KIRREL3: variants seen among roughly 807,000 people sequenced by gnomAD.
KIRREL3 encodes the protein kin of IRRE-like protein 3.
KIRREL3 carries 36 observed loss-of-function variants against 89.7 expected under a neutral mutation model. The observed-to-expected ratio is 0.40, with a 90% CI of 0.31 to 0.53. KIRREL3 has a LOEUF of 0.53. KIRREL3 is among the 20% of genes least tolerant of loss of function. The probability of loss-of-function intolerance (pLI) is 0.49; values close to 1 mark genes in which losing one functional copy is unlikely to be tolerated. For missense variants in KIRREL3, 864 were observed against 1,056.6 expected, an observed-to-expected ratio of 0.82 and a Z score of 2.53; for synonymous variants, 445 against 441.4, an observed-to-expected ratio of 1.01 and a Z score of -0.10.
chr11:126,613,792 C>T (rs990198352), intron 1 of KIRREL3, among the ~76,000 whole-genome samples: 5 of 149,690 alleles, frequency 3.3e-5, no homozygotes, highest in Admixed American at 6.7e-5. Flanking sequence ...ACATTGGGAA[C>T]GAAAACCCTT....
At chr11:126,435,144 G>A (rs986089314) in intron 13 of KIRREL3, 124 bp downstream of exon 13, 21 of 1,005,042 alleles carry the variant, frequency 2.1e-5, no homozygotes, top group East Asian at 4.9e-5. Flanking sequence ...CCCTCAGGAC[G>A]GGGGAGGGCG....
intron 1 of KIRREL3, among the ~76,000 whole-genome samples, chr11:126,654,058 G>A (rs564323442): frequency 6.6e-6 from 1 of 152,084 alleles, no homozygotes; most frequent in African/African-American, 2.4e-5. Flanking sequence ...TCCCTATCAC[G>A]GGCTCCCAGT....
At chr11:126,510,465 CT>C (rs1958184546) in intron 4 of KIRREL3, among the ~76,000 whole-genome samples, 1 of 144,558 alleles carries the variant, frequency 6.9e-6, no homozygotes, top group Non-Finnish European at 1.5e-5. Flanking sequence ...TCCTTCCTTC[CT>C]TCCTTTTTTT....
Position 126,948,036 on chromosome 11 carries a change from C to T in KIRREL3, c.55+52419G>A, listed in dbSNP as rs1270922608. On this transcript the variant is annotated intron_variant, in intron 1 of 16. Coordinates refer to ENST00000525144, the MANE Select transcript of KIRREL3 (RefSeq NM_032531.4). This position sits in a 1 kb window ranked among gnomAD's most constrained non-coding sequence, Gnocchi z 4.5. ...TTGGCTACCCCAAAACTCCAACGCACCTCATTATTTCATAAGAGATGTTAA... is the reference window on the plus strand; with the variant it reads ...TTGGCTACCCCAAAACTCCAACGCATCTCATTATTTCATAAGAGATGTTAA... Among the ~76,000 whole-genome samples, 1 of 152,160 alleles carries T rather than the reference C, an allele frequency of 6.6e-6. No individual in the cohort carries two copies. The highest frequency in any genetic ancestry group is 1.9e-4 in the East Asian group (1 of 5,186).
chr11:126,571,816 T>C lies in KIRREL3; in HGVS notation c.56-8904A>G, dbSNP rs1940950886. Among the ~76,000 whole-genome samples the C allele has an allele frequency of 6.6e-6, 1 of 152,210 alleles. No individual in the cohort carries two copies. The highest frequency in any genetic ancestry group is 1.5e-5 in the Non-Finnish European group (1 of 68,042). ...TAAAGAATTTTACGGGAAACAGTTTTATCCCATGTGCAAGGATGCCTCAGC... is the reference window on the plus strand; with the variant it reads ...TAAAGAATTTTACGGGAAACAGTTTCATCCCATGTGCAAGGATGCCTCAGC... On this transcript the variant is annotated intron_variant, in intron 1 of 16. Transcript: ENST00000525144. The surrounding 1 kb of genome is among the most constrained non-coding windows in gnomAD (Gnocchi z 7.7).
At chr11:126,775,934 C>T (rs1438481753) in intron 1 of KIRREL3, among the ~76,000 whole-genome samples, 2 of 152,164 alleles carry the variant, frequency 1.3e-5, no homozygotes, top group African/African-American at 4.8e-5. Flanking sequence ...AGACCTCTGA[C>T]CCCTATGGCT....
At position 126,908,085 on chromosome 11, in the gene KIRREL3, A is replaced by C. The variant is rs753586111; in HGVS notation, c.55+92370T>G. ...CATAGCCCTTATCAGTACCTAACAT[A>C]TAAATCTGTTATGTATGTTGTTTAT... On this transcript the variant is annotated intron_variant, in intron 1 of 16. Transcript: ENST00000525144. The surrounding 1 kb of genome is among the most constrained non-coding windows in gnomAD (Gnocchi z 4.2). 1.3e-5 allele frequency among the ~76,000 whole-genome samples: 2 copies of C among 152,094 alleles called. No individual in the cohort carries two copies. Among genetic ancestry groups the C allele is most frequent in the Non-Finnish European group, 2.9e-5 (2 of 68,038 alleles).
intron 1 of KIRREL3, among the ~76,000 whole-genome samples, chr11:126,658,302 G>A (rs1005796672): frequency 7.9e-5 from 12 of 152,108 alleles, no homozygotes; most frequent in African/African-American, 2.9e-4. Flanking sequence ...TCAAGACTTG[G>A]TATGCTTAAT....
At chr11:126,832,176 C>T (rs1943630153) in intron 1 of KIRREL3, among the ~76,000 whole-genome samples, 1 of 152,120 alleles carries the variant, frequency 6.6e-6, no homozygotes, top group South Asian at 2.1e-4. Context: ...GTTATTCTCA[C>T]AGTTGACAGC....
Position 126,960,169 on chromosome 11 carries a change from G to A in KIRREL3, c.55+40286C>T, listed in dbSNP as rs1949043498. Among the ~76,000 whole-genome samples, 3 of 152,210 alleles carry A rather than the reference G, an allele frequency of 2.0e-5. No homozygotes were observed. In the South Asian group the frequency reaches 6.2e-4, roughly 32 times the overall value. On this transcript the variant is annotated intron_variant, in intron 1 of 16. Transcript: ENST00000525144. Reference sequence around the variant, plus strand: ...GAACTTGGCCTGACGCAGGAGACAAGAAACAGAAATAGAAGTCAATTTGTT... The same window carrying A: ...GAACTTGGCCTGACGCAGGAGACAAAAAACAGAAATAGAAGTCAATTTGTT...
At position 126,429,251 on chromosome 11, in the gene KIRREL3, T is replaced by G. The variant is rs1332468247; in HGVS notation, c.1734A>C (p.Arg578=). 1 of 1,613,844 alleles carries G rather than the reference T, an allele frequency of 6.2e-7. No homozygotes were observed. The highest frequency in any genetic ancestry group is 1.7e-5 in the Admixed American group (1 of 60,016). The change falls in exon 15 of 17, where the codon CGA becomes CGC. Residue 578 remains arginine (R), a synonymous_variant. Coordinates refer to ENST00000525144, the MANE Select transcript of KIRREL3 (RefSeq NM_032531.4). The surrounding 1 kb of genome is among the most constrained non-coding windows in gnomAD (Gnocchi z 5.2). ...CTGGTTCCTTGTGGACAATTTCCAC[T>G]CGGATATCATTTTTGGCTGACACAA... ...KGVVSAKNDI[R]VEIVHKEPAS...
rs1947508144 is a variant in KIRREL3 at position 126,705,839 on chromosome 11, T to C, written c.56-142927A>G. On this transcript the variant is annotated intron_variant, in intron 1 of 16. Coordinates refer to ENST00000525144, the MANE Select transcript of KIRREL3 (RefSeq NM_032531.4). This position sits in a 1 kb window ranked among gnomAD's most constrained non-coding sequence, Gnocchi z 4.3. The stretch of plus-strand genomic sequence containing the variant: ...GTGACTTGCCTTGACCACTAAAATG[T>C]TGAGAAAGTGATGCTGCGTAACTTC... Among the ~76,000 whole-genome samples the C allele has an allele frequency of 3.9e-5, 6 of 152,318 alleles. No individual in the cohort carries two copies. Among genetic ancestry groups the C allele is most frequent in the Middle Eastern group, 3.4e-3 (1 of 294 alleles).
rs1172058580 is a variant in KIRREL3 at position 126,812,913 on chromosome 11, G to C, written c.55+187542C>G. On this transcript the variant is annotated intron_variant, in intron 1 of 16. Transcript: ENST00000525144. This position sits in a 1 kb window ranked among gnomAD's most constrained non-coding sequence, Gnocchi z 5.2. The stretch of plus-strand genomic sequence containing the variant: ...ACCTCTGCTGTGACCGGGAAGCTGG[G>C]CTCTCATTGGAGGTTGTTGGGCTGC... 1.3e-5 allele frequency among the ~76,000 whole-genome samples: 2 copies of C among 152,192 alleles called. 1 individual carries two copies. The highest frequency in any genetic ancestry group is 1.3e-4 in the Admixed American group (2 of 15,284).
chr11:126,804,108 G>C (rs1951128716), intron 1 of KIRREL3, among the ~76,000 whole-genome samples: 4 of 152,232 alleles, frequency 2.6e-5, no homozygotes, highest in Admixed American at 2.6e-4. Flanking sequence ...CACTCTGGCT[G>C]TATTTCAATA....
chr11:126,463,731 G>GC lies in KIRREL3; in HGVS notation c.592-425dup. 6.6e-6 allele frequency among the ~76,000 whole-genome samples: 1 copy of GC among 152,306 alleles called. No individual in the cohort carries two copies. The highest frequency in any genetic ancestry group is 1.9e-4 in the East Asian group (1 of 5,178). On this transcript the variant is annotated intron_variant, in intron 5 of 16. Transcript: ENST00000525144. This position sits in a 1 kb window ranked among gnomAD's most constrained non-coding sequence, Gnocchi z 5.9. ...TGGTTTGCAACCAGCAGGGACTGTG[G>GC]CCCCTGAGCGGGGACAGTCTGCAGA...
intron 1 of KIRREL3, among the ~76,000 whole-genome samples, chr11:126,820,972 A>G (rs1173097426): frequency 1.3e-5 from 2 of 152,046 alleles, no homozygotes; most frequent in African/African-American, 4.8e-5. Flanking sequence ...CGAGCTTACT[A>G]GGTCTGAGAT....
At chr11:126,650,210 G>A (rs1354389666) in intron 1 of KIRREL3, among the ~76,000 whole-genome samples, 2 of 152,244 alleles carry the variant, frequency 1.3e-5, no homozygotes, top group Non-Finnish European at 2.9e-5. Context: ...GTGATAGGAA[G>A]GGCTGCCACG....
Position 126,756,277 on chromosome 11 carries a change from T to C in KIRREL3, c.56-193365A>G, listed in dbSNP as rs1333776487. 2.6e-5 allele frequency among the ~76,000 whole-genome samples: 4 copies of C among 152,266 alleles called. No individual in the cohort carries two copies. The East Asian group carries it at 7.7e-4, about 29-fold the overall frequency. ...CCAACACTGCCGTGAGAATTGTATGTGCTGAGATGTTGTTCTTCTCACCCT... is the reference window on the plus strand; with the variant it reads ...CCAACACTGCCGTGAGAATTGTATGCGCTGAGATGTTGTTCTTCTCACCCT... On this transcript the variant is annotated intron_variant, in intron 1 of 16. Coordinates refer to ENST00000525144, the MANE Select transcript of KIRREL3 (RefSeq NM_032531.4).
In KIRREL3 at chr11:126,995,239, C is replaced by T. The variant is rs1457892119; in HGVS notation, c.55+5216G>A. The T allele has an allele frequency of 2.2e-6, 1 of 456,156 alleles. No individual in the cohort carries two copies. Among genetic ancestry groups the T allele is most frequent in the South Asian group, 1.5e-5 (1 of 64,542 alleles). 28.3% of individuals were successfully genotyped at this position (456,156 alleles called of 1,614,324 possible). On this transcript the variant is annotated intron_variant, in intron 1 of 16. Coordinates refer to ENST00000525144, the MANE Select transcript of KIRREL3 (RefSeq NM_032531.4). The surrounding 1 kb of genome is among the most constrained non-coding windows in gnomAD (Gnocchi z 6.5). ...CCAAGAGTGCTGGGATGTCCGCTGG[C>T]CTCGAGGCAAGACAAGAGCTCCAAT...
Sources: allele counts gnomAD v4.1 joint callset (sites outside exome capture counted in the v4.1 genomes callset), GRCh38; gene constraint gnomAD v4.1.1; non-coding constraint Gnocchi (gnomAD v3.1); transcripts MANE v1.5; gene names NCBI Gene and HGNC (gene_info 2026-07-23, HGNC 2026-07-21).